THADA: variants seen among roughly 807,000 people sequenced by gnomAD.
THADA encodes tRNA (32-2'-O)-methyltransferase regulator THADA.
In THADA, 213 loss-of-function variants were observed where a neutral mutation model predicts 219.8. The observed-to-expected ratio is 0.97, with a 90% CI of 0.87 to 1.09. The LOEUF (loss-of-function observed/expected upper bound fraction) is 1.09. Among genes scored for constraint, THADA ranks in the 50% least tolerant of loss-of-function variants. The pLI is 0.00. For missense variants in THADA, 2,956 were observed against 2,311.3 expected (o/e 1.28, Z -5.72); for synonymous variants, 1,018 against 828.9 (o/e 1.23, Z -3.92).
Position 43,344,219 on chromosome 2 carries a change from C to CTT in THADA, c.4244_4245dup (p.Ala1416LysfsTer18). The CTT allele has an allele frequency of 6.2e-7, 1 of 1,605,374 alleles. No individual in the cohort carries two copies. The highest frequency in any genetic ancestry group is 8.5e-7 in the Non-Finnish European group (1 of 1,177,010). On this transcript the variant is annotated frameshift_variant, in exon 30 of 38. Coordinates refer to ENST00000405975, the MANE Select transcript of THADA (RefSeq NM_022065.5). LOFTEE classifies it high-confidence loss of function. ...GTTCCGTGTTTGGAGTCTGAGTAGG[C>CTT]TTGCAACAAATGAAAAACCTAAACC...
intron 15 of THADA, chr2:43,563,579 G>C (rs1698328125): frequency 6.6e-6 from 1 of 152,006 alleles, no homozygotes; most frequent in African/African-American, 2.4e-5. Flanking sequence ...ACCTTGTTTG[G>C]GACTGTGAAT....
intron 30 of THADA, among the ~76,000 whole-genome samples, chr2:43,341,044 C>G (rs763475908): frequency 6.6e-6 from 1 of 152,180 alleles, no homozygotes; most frequent in Non-Finnish European, 1.5e-5. Context: ...TGATACATAG[C>G]TTTGGAATGC....
At chr2:43,470,159 G>T (rs188207306) in intron 26 of THADA, among the ~76,000 whole-genome samples, 43 of 145,806 alleles carry the variant, frequency 2.9e-4, no homozygotes, top group African/African-American at 1.1e-3. Flanking sequence ...AGTGGGCTGA[G>T]ATCGCCCCAC....
intron 9 of THADA, among the ~76,000 whole-genome samples, chr2:43,578,094 G>C (rs1700044946): frequency 6.6e-6 from 1 of 151,364 alleles, no homozygotes; most frequent in African/African-American, 2.4e-5. Context: ...AAGGTCATCA[G>C]AAGGAACCAG....
intron 28 of THADA, among the ~76,000 whole-genome samples, chr2:43,409,570 C>T (rs769314519): frequency 1.3e-5 from 2 of 152,030 alleles, no homozygotes; most frequent in Non-Finnish European, 2.9e-5. Flanking sequence ...TATCCCAGTA[C>T]CCATGTTTAT....
At chr2:43,585,817 GAA>G (rs1321943512) in intron 7 of THADA, among the ~76,000 whole-genome samples, 2 of 151,956 alleles carry the variant, frequency 1.3e-5, no homozygotes, top group African/African-American at 4.8e-5. Flanking sequence ...CTCAGGTGAG[GAA>G]AAGAGTTCTT....
intron 15 of THADA, chr2:43,566,141 A>G: frequency 3.3e-6 from 1 of 303,214 alleles, no homozygotes. Flanking sequence ...TGAAACAAAA[A>G]AAAAAGATTC....
intron 30 of THADA, 112 bp downstream of exon 30, chr2:43,344,010 T>C (rs1667348160): frequency 1.4e-6 from 1 of 732,728 alleles, no homozygotes; most frequent in Non-Finnish European, 2.3e-6. Context: ...CTCCAATAAG[T>C]TTAGAAAACT....
chr2:43,585,426 G>A (rs1235838683), intron 7 of THADA, among the ~76,000 whole-genome samples: 1 of 151,822 alleles, frequency 6.6e-6, no homozygotes, highest in Non-Finnish European at 1.5e-5. Flanking sequence ...ACTGAGGTGG[G>A]AGTATCACTT....
intron 31 of THADA, among the ~76,000 whole-genome samples, chr2:43,307,971 G>A (rs773483836): frequency 2.6e-5 from 4 of 152,098 alleles, no homozygotes; most frequent in Non-Finnish European, 4.4e-5. Context: ...ACATGATAAA[G>A]GGAGATATAG....
intron 16 of THADA, 105 bp from the exon 17 acceptor site, chr2:43,556,660 C>T (rs544986030): frequency 4.8e-5 from 52 of 1,081,832 alleles, no homozygotes; most frequent in African/African-American, 4.3e-4. Flanking sequence ...ACAGTGGGCT[C>T]GAGCCTAGAG....
At chr2:43,320,755 G>C (rs930628683) in intron 30 of THADA, among the ~76,000 whole-genome samples, 4 of 152,182 alleles carry the variant, frequency 2.6e-5, no homozygotes, top group Admixed American at 1.3e-4. Context: ...CCAAGGCTAT[G>C]TGTAGACAAA....
intron 31 of THADA, among the ~76,000 whole-genome samples, chr2:43,299,911 C>T (rs1007076492): frequency 6.6e-6 from 1 of 151,244 alleles, no homozygotes; most frequent in East Asian, 2.0e-4. Flanking sequence ...GCCTGTAATC[C>T]CAGCTACTCC....
chr2:43,313,540 G>A (rs959415900), intron 31 of THADA, among the ~76,000 whole-genome samples: 1 of 152,232 alleles, frequency 6.6e-6, no homozygotes, highest in African/African-American at 2.4e-5. Flanking sequence ...AGTGGCCATA[G>A]GTCCACTTTC....
chr2:43,390,341 C>T (rs934802334), intron 29 of THADA, among the ~76,000 whole-genome samples: 1 of 152,206 alleles, frequency 6.6e-6, no homozygotes, highest in Admixed American at 6.5e-5. Flanking sequence ...ACTCTGTTGG[C>T]ACTTTCCTAT....
At position 43,505,747 on chromosome 2, in the gene THADA, G is replaced by T; in HGVS notation, c.3508-12C>A. ...GATGCCAACAGTGCCTATGGAAAAA[G>T]AATGCAAAAATTAACAGGGTTCTTA... is the stretch of plus-strand genomic sequence containing the variant. On this transcript the variant is annotated splice_polypyrimidine_tract_variant and intron_variant, in intron 23 of 37. Transcript: ENST00000405975. The T allele has an allele frequency of 6.4e-7, 1 of 1,551,876 alleles. No homozygotes were observed. Among genetic ancestry groups the T allele is most frequent in the East Asian group, 2.3e-5 (1 of 43,154 alleles).
At chr2:43,248,944 C>T (rs1198739734) in intron 36 of THADA, among the ~76,000 whole-genome samples, 1 of 152,196 alleles carries the variant, frequency 6.6e-6, no homozygotes, top group African/African-American at 2.4e-5. Flanking sequence ...GCATCTCATG[C>T]TCTGCCTTCA....
intron 29 of THADA, among the ~76,000 whole-genome samples, chr2:43,354,422 G>A (rs970982212): frequency 6.6e-6 from 1 of 151,450 alleles, no homozygotes; most frequent in African/African-American, 2.4e-5. Context: ...ATTGTTGACT[G>A]TAGTTACCCT....
chr2:43,319,524 C>G (rs1003595207), intron 31 of THADA, among the ~76,000 whole-genome samples: 14 of 152,066 alleles, frequency 9.2e-5, no homozygotes, highest in African/African-American at 3.4e-4. Flanking sequence ...TCCCCGACCT[C>G]CCTCCTGCAA....
Sources: gnomAD v4.1 joint callset for allele counts (sites outside exome capture counted in the v4.1 genomes callset) on GRCh38, gnomAD v4.1.1 for gene constraint, MANE v1.5 for transcripts, NCBI Gene and HGNC (gene_info 2026-07-23, HGNC 2026-07-21) for gene names.